MAGI1: variants seen among roughly 807,000 people sequenced by gnomAD.
MAGI1 encodes the protein membrane associated guanylate kinase, WW and PDZ domain containing 1.
MAGI1 carries 58 observed loss-of-function variants against 139.9 expected under a neutral mutation model. The observed-to-expected ratio is 0.41, with a 90% confidence interval of 0.34 to 0.52. The LOEUF (loss-of-function observed/expected upper bound fraction) is 0.52. Ranked by LOEUF, MAGI1 falls within the 20% of genes least tolerant of loss-of-function variation. The probability of loss-of-function intolerance (pLI) is 0.12; values close to 1 mark genes in which losing one functional copy is unlikely to be tolerated. For synonymous variants in MAGI1, 812 were observed against 737.9 expected, an observed-to-expected ratio of 1.10 and a Z score of -1.63; for missense variants, 1,874 against 1,901.6, an observed-to-expected ratio of 0.99 and a Z score of 0.27.
intron 1 of MAGI1, among the ~76,000 whole-genome samples, chr3:65,789,118 C>T (rs1559884314): frequency 1.3e-5 from 2 of 152,020 alleles, no homozygotes; most frequent in Non-Finnish European, 2.9e-5. Flanking sequence ...GAGGTGGAGG[C>T]TATAGTGAGC....
Position 65,690,640 on chromosome 3 carries a change from A to ATT in MAGI1, c.314-68554_314-68553dup, listed in dbSNP as rs78131210. Among the ~76,000 whole-genome samples, 129 of 130,482 alleles carry ATT rather than the reference A, an allele frequency of 9.9e-4. 1 individual carries two copies. The highest frequency in any genetic ancestry group is 2.2e-3 in the African/African-American group (76 of 34,198). 85.6% of individuals were successfully genotyped at this position (130,482 alleles called of 152,430 possible). A position where few individuals can be genotyped will look rare whatever the true frequency, so the allele number is the denominator to read the frequency against. Reference sequence around the variant, plus strand: ...CATGCCCGGCTCATTTGTATTTTTAATTTTTTTTTTTTTTTTTTAAGTAGA... The same window carrying ATT: ...CATGCCCGGCTCATTTGTATTTTTAATTTTTTTTTTTTTTTTTTTTAAGTAGA... On this transcript the variant is annotated intron_variant, in intron 1 of 22. Coordinates refer to ENST00000402939, the MANE Select transcript of MAGI1 (RefSeq NM_001033057.2).
At chr3:65,910,855 C>CTTTTTTG (rs2061634445) in intron 1 of MAGI1, among the ~76,000 whole-genome samples, 1 of 59,484 alleles carries the variant, frequency 1.7e-5, no homozygotes, top group Non-Finnish European at 2.7e-5. Flanking sequence ...ACATGGTGGA[C>CTTTTTTG]TTTTTTTTTT....
At chr3:65,734,545 GAA>G (rs1224436040) in intron 1 of MAGI1, among the ~76,000 whole-genome samples, 102 of 148,230 alleles carry the variant, frequency 6.9e-4, no homozygotes, top group African/African-American at 2.4e-3. Context: ...GGGAGAGAGA[GAA>G]AGAGAGAAAG....
At chr3:65,855,740 G>T (rs1466000452) in intron 1 of MAGI1, among the ~76,000 whole-genome samples, 1 of 151,216 alleles carries the variant, frequency 6.6e-6, no homozygotes, top group Non-Finnish European at 1.5e-5. Flanking sequence ...ATGTAGATTT[G>T]TAAGAACCAA....
chr3:65,521,494 T>C (rs935574213), intron 2 of MAGI1, among the ~76,000 whole-genome samples: 2 of 152,206 alleles, frequency 1.3e-5, no homozygotes, highest in East Asian at 3.9e-4. Flanking sequence ...TATGCCAACA[T>C]GCCATTAGTT....
chr3:65,648,159 T>C (rs2107291060), intron 1 of MAGI1, among the ~76,000 whole-genome samples: 1 of 152,264 alleles, frequency 6.6e-6, no homozygotes. Context: ...ATTTCTTTTT[T>C]TTTTTTCTTT....
At chr3:65,849,366 G>C (rs1439857730) in intron 1 of MAGI1, among the ~76,000 whole-genome samples, 1 of 151,462 alleles carries the variant, frequency 6.6e-6, no homozygotes, top group Non-Finnish European at 1.5e-5. Context: ...CAGCAATGTT[G>C]GGTAGCCTCT....
In MAGI1 at chr3:65,691,307, A is replaced by AAAAAAAAAAAAAAAAAAAAAG. The variant is rs1388046202; in HGVS notation, c.314-69220_314-69219insCTTTTTTTTTTTTTTTTTTTT. ...GACAGAGCAAGACTCCGTCTCAAAA[A>AAAAAAAAAAAAAAAAAAAAAG]AAAAAAAAGAAAAGAAAAAGAAAAA... On this transcript the variant is annotated intron_variant, in intron 1 of 22. Transcript: ENST00000402939. Among the ~76,000 whole-genome samples the AAAAAAAAAAAAAAAAAAAAAG allele has an allele frequency of 9.8e-4, 131 of 133,718 alleles. 4 individuals carry two copies. The highest frequency in any genetic ancestry group is 1.8e-3 in the Non-Finnish European group (105 of 58,872). The allele number at this position is 133,718 out of a possible 152,430, so 87.7% of individuals were successfully genotyped here.
intron 3 of MAGI1, among the ~76,000 whole-genome samples, chr3:65,479,532 T>A (rs1951120415): frequency 6.6e-6 from 1 of 152,186 alleles, no homozygotes; most frequent in Non-Finnish European, 1.5e-5. Flanking sequence ...TTAATTTTTT[T>A]ATTTTAATAG....
At chr3:65,777,443 G>A (rs564634949) in intron 1 of MAGI1, among the ~76,000 whole-genome samples, 7 of 152,082 alleles carry the variant, frequency 4.6e-5, no homozygotes, top group Non-Finnish European at 1.0e-4. Context: ...CTAAAATAAA[G>A]GGACTATATT....
chr3:65,708,461 C>T (rs1003598398), intron 1 of MAGI1, among the ~76,000 whole-genome samples: 2 of 152,144 alleles, frequency 1.3e-5, no homozygotes, highest in Non-Finnish European at 2.9e-5. Flanking sequence ...GAAGCAGAGA[C>T]GGACTGGGAG....
chr3:65,429,117 T>TG (rs1947286238), intron 12 of MAGI1, among the ~76,000 whole-genome samples: 1 of 152,044 alleles, frequency 6.6e-6, no homozygotes, highest in South Asian at 2.1e-4. Flanking sequence ...AGGTTATTAT[T>TG]TTTTATATAT....
At chr3:65,680,473 G>A (rs186561551) in intron 1 of MAGI1, among the ~76,000 whole-genome samples, 20 of 152,192 alleles carry the variant, frequency 1.3e-4, no homozygotes, top group African/African-American at 3.1e-4. Context: ...CTGGGGAGCA[G>A]TGGTGCATCA....
intron 1 of MAGI1, among the ~76,000 whole-genome samples, chr3:65,905,451 T>C (rs1176257313): frequency 6.6e-6 from 1 of 151,642 alleles, no homozygotes; most frequent in Non-Finnish European, 1.5e-5. Flanking sequence ...CTGGGCATTG[T>C]GGTGTACACA....
intron 1 of MAGI1, among the ~76,000 whole-genome samples, chr3:65,908,812 A>G (rs2061542644): frequency 6.6e-6 from 1 of 152,186 alleles, no homozygotes; most frequent in Admixed American, 6.5e-5. Flanking sequence ...CCTTATCATT[A>G]GAGGACTCTC....
chr3:65,454,427 T>C (rs574798336), intron 5 of MAGI1, among the ~76,000 whole-genome samples: 7 of 151,562 alleles, frequency 4.6e-5, no homozygotes, highest in East Asian at 3.9e-4. Flanking sequence ...ATATTCCTAA[T>C]GCTAGATGAC....
chr3:65,986,746 T>G (rs2065901749), intron 1 of MAGI1, among the ~76,000 whole-genome samples: 1 of 152,252 alleles, frequency 6.6e-6, no homozygotes, highest in African/African-American at 2.4e-5. Flanking sequence ...TTATTTATGT[T>G]TAGCTTGTGA....
At chr3:65,586,308 T>C (rs750789362) in intron 2 of MAGI1, among the ~76,000 whole-genome samples, 1 of 152,016 alleles carries the variant, frequency 6.6e-6, no homozygotes, top group Non-Finnish European at 1.5e-5. Flanking sequence ...CCCACTTACA[T>C]GATATTCAGA....
intron 1 of MAGI1, among the ~76,000 whole-genome samples, chr3:65,720,387 C>A (rs1014054310): frequency 2.6e-5 from 4 of 152,074 alleles, no homozygotes; most frequent in Non-Finnish European, 5.9e-5. Context: ...TGAAGCCTAC[C>A]CTGGAAGACT....
Sources: gnomAD v4.1 joint callset for allele counts (sites outside exome capture counted in the v4.1 genomes callset) on GRCh38, gnomAD v4.1.1 for gene constraint, MANE v1.5 for transcripts, NCBI Gene and HGNC (gene_info 2026-07-23, HGNC 2026-07-21) for gene names.